Variants in NBAS observed in about 807,000 individuals in gnomAD.
The protein encoded by NBAS is NAG/BC035112 fusion.
A neutral mutation model predicts 302.5 loss-of-function variants in NBAS; 219 were observed. The observed-to-expected ratio is 0.72, with a 90% confidence interval of 0.65 to 0.81. The LOEUF (loss-of-function observed/expected upper bound fraction) is 0.81. NBAS is among the 30% of genes least tolerant of loss of function. The pLI is 0.00. For missense variants in NBAS, 2,932 were observed against 2,841.6 expected, an observed-to-expected ratio of 1.03 and a Z score of -0.72; for synonymous variants, 1,118 against 1,021.6, an observed-to-expected ratio of 1.09 and a Z score of -1.80.
the NBAS span, among the ~76,000 whole-genome samples, chr2:15,045,929 A>T: frequency 1.3e-5 from 2 of 152,138 alleles, no homozygotes. Context: ...GAGAGTGTGT[A>T]CCCCCTAATT....
chr2:14,995,201 C>CCCT, the NBAS span, among the ~76,000 whole-genome samples: 1 of 152,000 alleles, frequency 6.6e-6, no homozygotes, highest in African/African-American at 2.4e-5. Flanking sequence ...CTAATACTAT[C>CCCT]CCTCCCCCCT....
chr2:15,440,456 T>C (rs1451623702), intron 21 of NBAS, among the ~76,000 whole-genome samples: 2 of 152,206 alleles, frequency 1.3e-5, no homozygotes, highest in East Asian at 1.9e-4. Context: ...GTCCTGTCTG[T>C]TAGAAGGAAA....
chr2:15,106,093 G>A, the NBAS span, among the ~76,000 whole-genome samples: 3 of 152,082 alleles, frequency 2.0e-5, no homozygotes, highest in Non-Finnish European at 4.4e-5. Context: ...CTGGAGAGTT[G>A]GCCCAATGCA....
At chr2:15,323,908 T>C (rs1315245572) in intron 38 of NBAS, among the ~76,000 whole-genome samples, 2 of 92,278 alleles carry the variant, frequency 2.2e-5, no homozygotes, top group Non-Finnish European at 4.0e-5. Context: ...CCACAGTTTC[T>C]GAAAAAAAAA....
intron 36 of NBAS, among the ~76,000 whole-genome samples, chr2:15,329,929 T>C (rs1478077648): frequency 6.6e-6 from 1 of 152,232 alleles, no homozygotes; most frequent in Non-Finnish European, 1.5e-5. Flanking sequence ...ATGTATTTTC[T>C]GTGTCTCCCT....
chr2:15,031,138 G>A, the NBAS span, among the ~76,000 whole-genome samples: 7 of 152,092 alleles, frequency 4.6e-5, no homozygotes, highest in African/African-American at 1.7e-4. Context: ...CCAATCATTG[G>A]CTGTCAAAAA....
At chr2:15,535,823 G>A (rs1011815531) in intron 8 of NBAS, among the ~76,000 whole-genome samples, 1 of 152,112 alleles carries the variant, frequency 6.6e-6, no homozygotes, top group Non-Finnish European at 1.5e-5. Context: ...AGGGATGACT[G>A]TATATTATTC....
chr2:15,424,848 C>A (rs1442135900), intron 22 of NBAS, among the ~76,000 whole-genome samples: 1 of 152,162 alleles, frequency 6.6e-6, no homozygotes, highest in Non-Finnish European at 1.5e-5. Context: ...GCCAGCCAGG[C>A]CTAGTTTAGG....
At chr2:15,171,874 G>A (rs527481945) in intron 51 of NBAS, among the ~76,000 whole-genome samples, 4 of 152,226 alleles carry the variant, frequency 2.6e-5, no homozygotes, top group South Asian at 2.1e-4. Context: ...CCGTCGACAC[G>A]CCAAGGAGAG....
At chr2:15,067,830 T>C in the NBAS span, among the ~76,000 whole-genome samples, 1 of 152,154 alleles carries the variant, frequency 6.6e-6, no homozygotes. Flanking sequence ...TCAAGTGTTC[T>C]TACCACAATA....
the NBAS span, among the ~76,000 whole-genome samples, chr2:14,879,485 G>A: frequency 1.9e-4 from 29 of 152,070 alleles, no homozygotes; most frequent in African/African-American, 5.5e-4. Context: ...GACATTAACC[G>A]TATATTTTTA....
the NBAS span, among the ~76,000 whole-genome samples, chr2:14,909,148 G>A: frequency 1.2e-4 from 18 of 151,888 alleles, no homozygotes; most frequent in East Asian, 1.9e-4. Flanking sequence ...GTGAAACCCC[G>A]TCTCTACTAA....
the NBAS span, among the ~76,000 whole-genome samples, chr2:15,030,470 G>A: frequency 2.0e-5 from 3 of 152,174 alleles, no homozygotes; most frequent in Non-Finnish European, 2.9e-5. Context: ...GAGTTTCCCA[G>A]GCACAAGAGT....
chr2:15,467,229 A>G, intron 19 of NBAS, 100 bp downstream of exon 19: 2 of 884,040 alleles, frequency 2.3e-6, no homozygotes, highest in Non-Finnish European at 3.7e-6. Flanking sequence ...TCCCAGAAAA[A>G]TAGTTCTAAA....
chr2:14,846,353 G>C, the NBAS span, among the ~76,000 whole-genome samples: 1 of 150,768 alleles, frequency 6.6e-6, no homozygotes, highest in Non-Finnish European at 1.5e-5. Flanking sequence ...ATATAAAGAA[G>C]TAGTGAAAAC....
chr2:15,383,575 A>C (rs1459793251), intron 28 of NBAS, among the ~76,000 whole-genome samples: 3 of 152,214 alleles, frequency 2.0e-5, no homozygotes, highest in East Asian at 3.9e-4. Flanking sequence ...CTGAGCAGAC[A>C]CAGGCTGGAA....
chr2:14,850,463 C>G, the NBAS span, among the ~76,000 whole-genome samples: 1 of 96,188 alleles, frequency 1.0e-5, no homozygotes, highest in Admixed American at 9.0e-5. Flanking sequence ...GACTTAGACT[C>G]CCACACATTA....
At chr2:15,070,076 T>G in the NBAS span, among the ~76,000 whole-genome samples, 1 of 152,330 alleles carries the variant, frequency 6.6e-6, no homozygotes, top group African/African-American at 2.4e-5. Context: ...TTTCTGAAAG[T>G]GGAGCTCGAC....
chr2:15,440,251 A>G (rs1217769937), intron 21 of NBAS, among the ~76,000 whole-genome samples: 1 of 152,216 alleles, frequency 6.6e-6, no homozygotes, highest in Non-Finnish European at 1.5e-5. Flanking sequence ...TAACTGGGAG[A>G]CAGCCCCCAG....
Sources: allele counts gnomAD v4.1 joint callset (sites outside exome capture counted in the v4.1 genomes callset), GRCh38; gene constraint gnomAD v4.1.1; transcripts MANE v1.5; gene names NCBI Gene and HGNC (gene_info 2026-07-23, HGNC 2026-07-21).